Variants in BIRC6 observed in about 807,000 individuals in gnomAD.
BIRC6 encodes the protein baculoviral IAP repeat containing 6.
A neutral mutation model predicts 503.3 loss-of-function variants in BIRC6; 98 were observed. The ratio of observed to expected loss-of-function variants is 0.19; its 90% CI spans 0.17 to 0.23. BIRC6 has a LOEUF of 0.23. Ranked by LOEUF, BIRC6 falls within the 10% of genes least tolerant of loss-of-function variation. BIRC6 has a pLI of 1.00. For synonymous variants in BIRC6, 2,240 were observed against 2,078.7 expected (o/e 1.08, Z -2.11); for missense variants, 5,360 against 5,806.0 (o/e 0.92, Z 2.50).
In BIRC6 at chr2:32,594,078, T is replaced by G; in HGVS notation, c.13501+18T>G. 6.3e-7 allele frequency: 1 copy of G among 1,594,690 alleles called. No individual in the cohort carries two copies. Among genetic ancestry groups the G allele is most frequent in the Non-Finnish European group, 8.5e-7 (1 of 1,171,168 alleles). On this transcript the variant is annotated intron_variant, in intron 67 of 73. Coordinates refer to ENST00000421745, the MANE Select transcript of BIRC6 (RefSeq NM_016252.4). Reference sequence around the variant, plus strand: ...AAATCAGGGTACAAAACTTTTCCTATTATGCCACTTTTCATTTGATGTAAA... The same window carrying G: ...AAATCAGGGTACAAAACTTTTCCTAGTATGCCACTTTTCATTTGATGTAAA...
chr2:32,554,206 C>T (rs571641943), intron 65 of BIRC6, among the ~76,000 whole-genome samples: 1 of 152,232 alleles, frequency 6.6e-6, no homozygotes, highest in South Asian at 2.1e-4. Flanking sequence ...AATTATTTGC[C>T]ATTAACTTAG....
chr2:32,469,481 C>T lies in BIRC6; in HGVS notation c.6214C>T (p.Pro2072Ser). Residue 2072 changes from proline (P) to serine (S), a missense_variant, in exon 30 of 74, where the codon CCA becomes TCA. Coordinates refer to ENST00000421745, the MANE Select transcript of BIRC6 (RefSeq NM_016252.4). ...TAAACACTTGTGCATCAGTGGAACCCCAAAGATACGGTTACATACTGGTCT... is the reference window on the plus strand; with the variant it reads ...TAAACACTTGTGCATCAGTGGAACCTCAAAGATACGGTTACATACTGGTCT... ...LFKHLCISGT[P>S]KIRLHTGLLL... The T allele has an allele frequency of 1.2e-6, 2 of 1,613,876 alleles. No individual in the cohort carries two copies. The highest frequency in any genetic ancestry group is 1.7e-6 in the Non-Finnish European group (2 of 1,179,838).
At chr2:32,358,826 A>AT (rs2033607471) in intron 1 of BIRC6, among the ~76,000 whole-genome samples, 1 of 152,116 alleles carries the variant, frequency 6.6e-6, no homozygotes, top group Admixed American at 6.6e-5. Flanking sequence ...TAGGTTTGTA[A>AT]TTTTTTCTTT....
At position 32,448,689 on chromosome 2, in the gene BIRC6, A is replaced by G. The variant is rs987461810; in HGVS notation, c.4485-106A>G. On this transcript the variant is annotated intron_variant, in intron 21 of 73. Transcript: ENST00000421745. ...AGGGGAGAGGGGAGAGGGGAGAGGG[A>G]GAGCCCTCTGCGCTGTTAGTCAGAC... The G allele has an allele frequency of 7.9e-6, 7 of 888,308 alleles. No homozygotes were observed. In the East Asian group the frequency reaches 1.9e-4, roughly 24 times the overall value. The allele number at this position is 888,308 out of a possible 1,614,324, so 55.0% of individuals were successfully genotyped here.
At chr2:32,491,307 A>C (rs188750616) in intron 43 of BIRC6, 118 bp from the exon 44 acceptor site, 3 of 1,032,226 alleles carry the variant, frequency 2.9e-6, no homozygotes, top group Admixed American at 3.0e-5. Flanking sequence ...CCCCTTTAAT[A>C]AACTGTAATT....
In BIRC6 at chr2:32,357,276, C is replaced by G; in HGVS notation, c.115C>G (p.Pro39Ala). Residue 39 changes from proline to alanine, a missense_variant, in exon 1 of 74, where the codon CCC becomes GCC. Pro to Ala is a conservative substitution (Grantham distance 27). This residue lies in a region of BIRC6 where 145 missense variants were observed against 106.9 expected (regional missense o/e 1.36). Coordinates refer to ENST00000421745, the MANE Select transcript of BIRC6 (RefSeq NM_016252.4). This position sits in a 1 kb window ranked among gnomAD's most constrained non-coding sequence, Gnocchi z 4.9. The part of the protein sequence containing the change: ...MAAAAAAASG[P>A]GCSSAAGAGA... Reference sequence around the variant, plus strand: ...GGCTGCGGCTGCGGCGGCCTCGGGCCCCGGCTGCTCCTCGGCGGCGGGGGC... The same window carrying G: ...GGCTGCGGCTGCGGCGGCCTCGGGCGCCGGCTGCTCCTCGGCGGCGGGGGC... The G allele has an allele frequency of 6.6e-7, 1 of 1,523,364 alleles. No individual in the cohort carries two copies. The highest frequency in any genetic ancestry group is 8.8e-7 in the Non-Finnish European group (1 of 1,138,848). 94.4% of individuals were successfully genotyped at this position (1,523,364 alleles called of 1,614,324 possible).
At chr2:32,592,945 A>C (rs570496690) in intron 66 of BIRC6, among the ~76,000 whole-genome samples, 71 of 152,290 alleles carry the variant, frequency 4.7e-4, no homozygotes, top group Non-Finnish European at 9.4e-4. Flanking sequence ...TAGTTCTCTA[A>C]GGCTCCATGA....
At position 32,357,574 on chromosome 2, in the gene BIRC6, G is replaced by C. The variant is rs1040953408; in HGVS notation, c.325+88G>C. On this transcript the variant is annotated intron_variant, in intron 1 of 73. Transcript: ENST00000421745. This position sits in a 1 kb window ranked among gnomAD's most constrained non-coding sequence, Gnocchi z 4.9. ...TCGGCCTCGCGACTCGGGGAAGCGAGATGGCGAGAGGGCAGGGCTGGGGGT... is the reference window on the plus strand; with the variant it reads ...TCGGCCTCGCGACTCGGGGAAGCGACATGGCGAGAGGGCAGGGCTGGGGGT... 2 of 1,499,522 alleles carry C rather than the reference G, an allele frequency of 1.3e-6. No homozygotes were observed. The highest frequency in any genetic ancestry group is 1.8e-6 in the Non-Finnish European group (2 of 1,130,236). The allele number at this position is 1,499,522 out of a possible 1,614,324, so 92.9% of individuals were successfully genotyped here. A position where few individuals can be genotyped will look rare whatever the true frequency, so the allele number is the denominator to read the frequency against.
intron 23 of BIRC6, among the ~76,000 whole-genome samples, chr2:32,458,838 A>T (rs1025227915): frequency 9.9e-5 from 15 of 151,630 alleles, no homozygotes; most frequent in Non-Finnish European, 1.2e-4. Flanking sequence ...GATTATAGAC[A>T]TGCACCACCA....
intron 4 of BIRC6, among the ~76,000 whole-genome samples, chr2:32,390,425 C>T (rs4019431): frequency 2.1e-4 from 32 of 151,834 alleles, no homozygotes; most frequent in African/African-American, 7.7e-4. Context: ...CCACCTTGGC[C>T]GCCCAAAGTG....
intron 70 of BIRC6, chr2:32,602,503 G>C (rs1333253709): frequency 1.3e-5 from 2 of 152,290 alleles, no homozygotes; most frequent in East Asian, 3.9e-4. Context: ...AGGAGGAATA[G>C]GTTCTGTTGT....
intron 59 of BIRC6, chr2:32,527,750 A>T (rs1049613384): frequency 2.6e-5 from 4 of 152,394 alleles, no homozygotes; most frequent in East Asian, 1.9e-4. Context: ...GAAGAAGTAG[A>T]TGTCAAAGAA....
intron 28 of BIRC6, 105 bp from the exon 29 acceptor site, chr2:32,468,332 A>G (rs1247024724): frequency 4.7e-6 from 5 of 1,073,236 alleles, no homozygotes; most frequent in Non-Finnish European, 6.6e-6. Flanking sequence ...ATTCTTTTTA[A>G]TGGTTGTATG....
At chr2:32,423,874 A>G (rs1469431864) in intron 10 of BIRC6, among the ~76,000 whole-genome samples, 1 of 152,228 alleles carries the variant, frequency 6.6e-6, no homozygotes, top group African/African-American at 2.4e-5. Flanking sequence ...CATGCTGTAT[A>G]CACTACCTGT....
chr2:32,390,205 C>T (rs549742401), intron 4 of BIRC6, among the ~76,000 whole-genome samples: 1 of 146,230 alleles, frequency 6.8e-6, no homozygotes, highest in Admixed American at 6.8e-5. Context: ...GAGTCTCGCT[C>T]TGTTGCCCAG....
chr2:32,525,146 A>G, intron 58 of BIRC6, 127 bp downstream of exon 58: 1 of 857,272 alleles, frequency 1.2e-6, no homozygotes, highest in East Asian at 3.1e-5. Flanking sequence ...TGATGTTTTA[A>G]TACTAGATTT....
intron 71 of BIRC6, among the ~76,000 whole-genome samples, chr2:32,605,412 TA>T (rs2062381848): frequency 6.6e-6 from 1 of 152,240 alleles, no homozygotes; most frequent in Admixed American, 6.5e-5. Flanking sequence ...AGTCCTTTTT[TA>T]TAAATTTGTA....
rs1241427985 is a variant in BIRC6, at chr2:32,515,514, T to C, written c.11093T>C (p.Ile3698Thr). The change falls in exon 55 of 74, where the codon ATT becomes ACT. Residue 3698 changes from isoleucine to threonine, a missense_variant. Coordinates refer to ENST00000421745, the MANE Select transcript of BIRC6 (RefSeq NM_016252.4). ...TTGACAGAAGTTGGCAATAGCCATA[T>C]TATGAAAGATTGGCTTGGTGGTTCT... is the stretch of plus-strand genomic sequence containing the variant. ...RFLTEVGNSH[I>T]MKDWLGGSEV... 6.2e-7 allele frequency: 1 copy of C among 1,613,974 alleles called. No individual in the cohort carries two copies. Among genetic ancestry groups the C allele is most frequent in the South Asian group, 1.1e-5 (1 of 91,092 alleles).
At chr2:32,417,716 G>A (rs1669769681) in intron 10 of BIRC6, among the ~76,000 whole-genome samples, 3 of 152,148 alleles carry the variant, frequency 2.0e-5, no homozygotes, top group Non-Finnish European at 2.9e-5. Flanking sequence ...GCCAAGGAAC[G>A]TAATGGTGAA....
Sources: gnomAD v4.1 joint callset for allele counts (sites outside exome capture counted in the v4.1 genomes callset) on GRCh38, gnomAD v4.1.1 for gene constraint, gnomAD v4.1.1 regional missense constraint, Gnocchi (gnomAD v3.1) non-coding constraint, MANE v1.5 for transcripts, NCBI Gene and HGNC (gene_info 2026-07-23, HGNC 2026-07-21) for gene names.